The following CDK13 variants were observed in gnomAD, a reference collection of about 807,000 sequenced individuals.
CDK13 encodes the protein cyclin-dependent kinase 13.
A neutral mutation model predicts 137.6 loss-of-function variants in CDK13; 40 were observed. The ratio of observed to expected loss-of-function variants is 0.29; its 90% CI spans 0.23 to 0.38. CDK13 has a LOEUF of 0.38. CDK13 is among the 10% of genes least tolerant of loss of function. CDK13 has a pLI of 1.00. For missense variants in CDK13, 1,704 were observed against 1,951.8 expected, an observed-to-expected ratio of 0.87 and a Z score of 2.39; for synonymous variants, 869 against 760.1, an observed-to-expected ratio of 1.14 and a Z score of -2.36.
rs1479420616 is a variant in CDK13, at chr7:40,093,037, C to T, written c.3488C>T (p.Ser1163Phe). The T allele has an allele frequency of 2.5e-6, 4 of 1,614,216 alleles. No homozygotes were observed. Among genetic ancestry groups the T allele is most frequent in the Non-Finnish European group, 3.4e-6 (4 of 1,180,046 alleles). ...CCGTTGGGAGGAATTCAGCCTTCTT[C>T]TCAGACCATCCAGCCTAAAGTGGAG... ...SKPLGGIQPS[S>F]QTIQPKVETD... Residue 1163 changes from serine (S) to phenylalanine (F), a missense_variant, in exon 13 of 14, where the codon TCT (serine) becomes TTT (phenylalanine). Ser to Phe is a radical substitution (Grantham distance 155, BLOSUM62 -2). Around this residue, in one of 5 missense-constraint regions of CDK13, gnomAD observed 475 missense variants for 579.3 expected, o/e 0.82. Transcript: ENST00000181839.
rs973454935 is a variant in CDK13, at chr7:39,951,034, T to G, written c.393T>G (p.Gly131=). The change falls in exon 1 of 14, where the codon GGT becomes GGG. Residue 131 remains glycine, a synonymous_variant. Transcript: ENST00000181839. The part of the protein sequence containing the change: ...FSLPQPQQDG[G]GGASSGGGVT... Reference sequence around the variant, plus strand: ...TGCCCCAGCCGCAGCAGGACGGCGGTGGCGGTGCTAGTAGCGGCGGGGGTG... The same window carrying G: ...TGCCCCAGCCGCAGCAGGACGGCGGGGGCGGTGCTAGTAGCGGCGGGGGTG... 7.7e-7 allele frequency: 1 copy of G among 1,292,916 alleles called. No individual in the cohort carries two copies. The highest frequency in any genetic ancestry group is 9.8e-7 in the Non-Finnish European group (1 of 1,022,768). The allele number at this position is 1,292,916 out of a possible 1,614,324, so 80.1% of individuals were successfully genotyped here.
At position 40,084,521 on chromosome 7, in the gene CDK13, T is replaced by C. The variant is rs140567335; in HGVS notation, c.3030-3605T>C. Among the ~76,000 whole-genome samples, 66 of 152,282 alleles carry C rather than the reference T, an allele frequency of 4.3e-4. No individual in the cohort carries two copies. The East Asian group carries it at 0.011, about 25-fold the overall frequency. On this transcript the variant is annotated intron_variant, in intron 11 of 13. Coordinates refer to ENST00000181839, the MANE Select transcript of CDK13 (RefSeq NM_003718.5). ...TTAGAAATAACTCCATTAATTGTAT[T>C]AGATGCCCTGTCAAACGTAAAGTAT...
intron 4 of CDK13, among the ~76,000 whole-genome samples, chr7:40,000,708 T>C (rs1448334155): frequency 6.6e-6 from 1 of 152,078 alleles, no homozygotes; most frequent in Non-Finnish European, 1.5e-5. Flanking sequence ...CTTTTAAAAC[T>C]GTTAAGTAAA....
intron 1 of CDK13, among the ~76,000 whole-genome samples, chr7:39,962,013 C>T (rs1182867150): frequency 1.3e-5 from 2 of 152,180 alleles, no homozygotes; most frequent in African/African-American, 4.8e-5. Context: ...ATATGTGCCA[C>T]ATTTTCTTAA....
At chr7:40,060,335 A>G (rs535720997) in intron 7 of CDK13, among the ~76,000 whole-genome samples, 1 of 152,352 alleles carries the variant, frequency 6.6e-6, no homozygotes, top group Non-Finnish European at 1.5e-5. Flanking sequence ...AGATAGATTT[A>G]TATAAATTTA....
intron 7 of CDK13, among the ~76,000 whole-genome samples, chr7:40,053,967 G>A (rs1377662266): frequency 6.6e-6 from 1 of 152,106 alleles, no homozygotes; most frequent in Non-Finnish European, 1.5e-5. Context: ...CAACCAATAA[G>A]TAGTAGAGCT....
chr7:40,074,919 A>G (rs1584073842), intron 9 of CDK13, among the ~76,000 whole-genome samples: 1 of 152,210 alleles, frequency 6.6e-6, no homozygotes, highest in East Asian at 1.9e-4. Context: ...TAAAGGAAAG[A>G]AATAGAAACA....
At chr7:40,058,041 A>G (rs1260898686) in intron 7 of CDK13, among the ~76,000 whole-genome samples, 1 of 151,784 alleles carries the variant, frequency 6.6e-6, no homozygotes, top group East Asian at 1.9e-4. Context: ...TAGGGGTGGT[A>G]GTGGATAATT....
intron 12 of CDK13, among the ~76,000 whole-genome samples, chr7:40,091,144 G>A (rs1234996762): frequency 6.6e-6 from 1 of 151,896 alleles, no homozygotes; most frequent in Admixed American, 6.6e-5. Flanking sequence ...AGGAGATCGA[G>A]ACCATCCTGG....
At position 39,999,439 on chromosome 7, in the gene CDK13, C is replaced by T. The variant is rs148449949; in HGVS notation, c.2121C>T (p.Ile707=). 2 of 1,612,768 alleles carry T rather than the reference C, an allele frequency of 1.2e-6. No homozygotes were observed. The highest frequency in any genetic ancestry group is 3.3e-4 in the Middle Eastern group (2 of 6,050). The change falls in exon 4 of 14, where the codon ATC becomes ATT. Residue 707 remains isoleucine, a synonymous_variant. Coordinates refer to ENST00000181839, the MANE Select transcript of CDK13 (RefSeq NM_003718.5). The part of the protein sequence containing the change: ...WGKRCVDKFD[I]IGIIGEGTYG... ...AACGCTGCGTGGATAAATTTGATAT[C>T]ATCGGAATTATTGGAGAAGGTACTT... is the stretch of plus-strand genomic sequence containing the variant.
At chr7:40,078,645 A>G in intron 10 of CDK13, 75 bp from the exon 11 acceptor site, 4 of 885,610 alleles carry the variant, frequency 4.5e-6, no homozygotes, top group Non-Finnish European at 1.5e-6. Flanking sequence ...TTAATTAAAA[A>G]TAATTTAAGC....
chr7:40,023,833 C>T (rs936178285), intron 5 of CDK13, among the ~76,000 whole-genome samples: 1 of 152,126 alleles, frequency 6.6e-6, no homozygotes, highest in Non-Finnish European at 1.5e-5. Flanking sequence ...ATCATTACAG[C>T]CATCTAGGTT....
Position 39,987,823 on chromosome 7 carries a change from C to CTGCTGA in CDK13, c.1437_1442dup (p.Ala480_Glu481insAspAla), listed in dbSNP as rs769104930. On this transcript the variant is annotated inframe_insertion, in exon 2 of 14. Coordinates refer to ENST00000181839, the MANE Select transcript of CDK13 (RefSeq NM_003718.5). Reference sequence around the variant, plus strand: ...GCGAAAGCTGCAGAAGCAACTAAGGCTGCTGAGGCTGCTGCCAAGGCTGCA... The same window carrying CTGCTGA: ...GCGAAAGCTGCAGAAGCAACTAAGGCTGCTGATGCTGAGGCTGCTGCCAAGGCTGCA... The CTGCTGA allele has an allele frequency of 6.2e-7, 1 of 1,614,114 alleles. No homozygotes were observed. Among genetic ancestry groups the CTGCTGA allele is most frequent in the South Asian group, 1.1e-5 (1 of 91,048 alleles).
In CDK13 at chr7:40,086,158, C is replaced by G. The variant is rs73392784; in HGVS notation, c.3030-1968C>G. 6.3e-3 allele frequency among the ~76,000 whole-genome samples: 952 copies of G among 152,256 alleles called. 12 individuals carry two copies. The highest frequency in any genetic ancestry group is 0.021 in the African/African-American group (880 of 41,552). On this transcript the variant is annotated intron_variant, in intron 11 of 13. Coordinates refer to ENST00000181839, the MANE Select transcript of CDK13 (RefSeq NM_003718.5). ...TTAAACTAATATTGCTAAGATTCAACCATATTATTGCATCTGCCTTTATTT... is the reference window on the plus strand; with the variant it reads ...TTAAACTAATATTGCTAAGATTCAAGCATATTATTGCATCTGCCTTTATTT...
chr7:40,074,824 TA>T lies in CDK13; in HGVS notation c.2781-3170del, dbSNP rs1009640123. Among the ~76,000 whole-genome samples, 343 of 136,674 alleles carry T rather than the reference TA, an allele frequency of 2.5e-3. 4 individuals carry two copies. Among genetic ancestry groups the T allele is most frequent in the East Asian group, 0.016 (75 of 4,774 alleles). The allele number at this position is 136,674 out of a possible 152,430, so 89.7% of individuals were successfully genotyped here. Reference sequence around the variant, plus strand: ...GTAGCAGTGGAACCCTGTGTCTATTTAAAAAAAAAAACAAAATATTTAAAAA... The same window carrying T: ...GTAGCAGTGGAACCCTGTGTCTATTTAAAAAAAAAACAAAATATTTAAAAA... On this transcript the variant is annotated intron_variant, in intron 9 of 13. Coordinates refer to ENST00000181839, the MANE Select transcript of CDK13 (RefSeq NM_003718.5).
intron 5 of CDK13, among the ~76,000 whole-genome samples, chr7:40,012,492 C>T (rs946153563): frequency 6.6e-6 from 1 of 152,084 alleles, no homozygotes; most frequent in African/African-American, 2.4e-5. Context: ...CCCAGCTACT[C>T]AGGAGGCTGA....
At chr7:40,068,552 G>C (rs910157683) in intron 9 of CDK13, among the ~76,000 whole-genome samples, 1 of 151,396 alleles carries the variant, frequency 6.6e-6, no homozygotes, top group African/African-American at 2.4e-5. Context: ...AAATTACCTG[G>C]GCGCAGTGGT....
intron 7 of CDK13, among the ~76,000 whole-genome samples, chr7:40,059,800 C>T (rs1786101225): frequency 6.6e-6 from 1 of 152,180 alleles, no homozygotes; most frequent in African/African-American, 2.4e-5. Context: ...ATGTATCAGT[C>T]TGAATGTTTG....
intron 5 of CDK13, among the ~76,000 whole-genome samples, chr7:40,029,585 T>G (rs1321082972): frequency 1.3e-5 from 2 of 149,632 alleles, no homozygotes; most frequent in African/African-American, 4.9e-5. Context: ...CTGGGCGTGA[T>G]GGCGCGCGCC....
Sources: allele counts gnomAD v4.1 joint callset (sites outside exome capture counted in the v4.1 genomes callset), GRCh38; gene constraint gnomAD v4.1.1; regional missense constraint gnomAD v4.1.1; transcripts MANE v1.5; gene names NCBI Gene and HGNC (gene_info 2026-07-23, HGNC 2026-07-21).